Variants in JAKMIP1 observed in about 807,000 individuals in gnomAD.
JAKMIP1 encodes the protein janus kinase and microtubule interacting protein 1.
JAKMIP1 carries 33 observed loss-of-function variants against 113.0 expected under a neutral mutation model. The observed-to-expected ratio is 0.29, with a 90% CI of 0.22 to 0.39. JAKMIP1 has a LOEUF of 0.39. JAKMIP1 is among the 10% of genes least tolerant of loss of function. The pLI, the probability that JAKMIP1 is intolerant of heterozygous loss-of-function variation, is 1.00. For synonymous variants in JAKMIP1, 480 were observed against 459.9 expected, an observed-to-expected ratio of 1.04 and a Z score of -0.56; for missense variants, 813 against 1,080.5, an observed-to-expected ratio of 0.75 and a Z score of 3.47.
At chr4:6,126,531 A>G (rs1368330917) in intron 1 of JAKMIP1, among the ~76,000 whole-genome samples, 1 of 147,394 alleles carries the variant, frequency 6.8e-6, no homozygotes, top group Non-Finnish European at 1.5e-5. Flanking sequence ...CACACACCAT[A>G]CAGAAACACA....
chr4:6,030,910 C>A (rs1712559326), intron 19 of JAKMIP1, among the ~76,000 whole-genome samples: 1 of 152,144 alleles, frequency 6.6e-6, no homozygotes, highest in South Asian at 2.1e-4. Context: ...AAGTTGCACT[C>A]CAGCATGCTC....
chr4:6,095,302 G>A (rs77948527), intron 3 of JAKMIP1, among the ~76,000 whole-genome samples: 1,767 of 150,056 alleles, frequency 0.012, 33 homozygotes, highest in African/African-American at 0.041. Flanking sequence ...GGGAGAGAGG[G>A]AAGAAAGGAA....
rs755462010 is a variant in JAKMIP1, at chr4:6,081,592, A to G, written c.1101+17T>C. The stretch of plus-strand genomic sequence containing the variant: ...GAAGGGAGTGTCAGGGCTGTCCCCA[A>G]GGGGTCCACAGCTCACCATTTCCAC... On this transcript the variant is annotated intron_variant, in intron 6 of 20. Transcript: ENST00000409021. The surrounding 1 kb of genome is among the most constrained non-coding windows in gnomAD (Gnocchi z 4.6). The G allele has an allele frequency of 1.9e-6, 3 of 1,613,850 alleles. No individual in the cohort carries two copies. The highest frequency in any genetic ancestry group is 1.7e-5 in the Admixed American group (1 of 59,994).
chr4:6,171,797 C>T (rs1435840780), intron 1 of JAKMIP1, among the ~76,000 whole-genome samples: 2 of 152,308 alleles, frequency 1.3e-5, no homozygotes, highest in East Asian at 3.9e-4. Flanking sequence ...GAGGCTCGTT[C>T]GTTGGCTGAA....
At chr4:6,119,480 G>T (rs1330495268) in intron 1 of JAKMIP1, among the ~76,000 whole-genome samples, 1 of 152,072 alleles carries the variant, frequency 6.6e-6, no homozygotes, top group Non-Finnish European at 1.5e-5. Flanking sequence ...GGAGGTGGAG[G>T]TTGCGGTGAG....
intron 3 of JAKMIP1, among the ~76,000 whole-genome samples, chr4:6,101,903 T>TA (rs34415235): frequency 0.014 from 1,872 of 132,334 alleles, 38 homozygotes; most frequent in African/African-American, 0.048. Context: ...AAGACTCAGT[T>TA]AAAAAAAAAA....
rs549456814 is a variant in JAKMIP1 at position 6,081,015 on chromosome 4, C to CACACACACACACAAA, written c.1101+593_1101+594insTTTGTGTGTGTGTGT. Among the ~76,000 whole-genome samples the CACACACACACACAAA allele has an allele frequency of 3.0e-5, 1 of 33,686 alleles. No homozygotes were observed. The highest frequency in any genetic ancestry group is 1.4e-4 in the African/African-American group (1 of 7,372). 22.1% of individuals were successfully genotyped at this position (33,686 alleles called of 152,430 possible). A position where few individuals can be genotyped will look rare whatever the true frequency, so the allele number is the denominator to read the frequency against. ...CACACACACACACACACACACACAC[C>CACACACACACACAAA]TGCATCTGCTACAGTGCAGACAGCA... On this transcript the variant is annotated intron_variant, in intron 6 of 20. Coordinates refer to ENST00000409021, the MANE Select transcript of JAKMIP1 (RefSeq NM_001099433.2). This position sits in a 1 kb window ranked among gnomAD's most constrained non-coding sequence, Gnocchi z 4.6.
intron 8 of JAKMIP1, among the ~76,000 whole-genome samples, chr4:6,071,055 TA>T (rs1380192865): frequency 6.6e-6 from 1 of 152,276 alleles, no homozygotes; most frequent in Admixed American, 6.5e-5. Context: ...GGATAATTCA[TA>T]AAAGAAATGT....
At chr4:6,056,836 G>C (rs916527112) in intron 11 of JAKMIP1, 77 bp from the exon 12 acceptor site, 1 of 989,078 alleles carries the variant, frequency 1.0e-6, no homozygotes, top group African/African-American at 1.6e-5. Context: ...AGTGAGAAAG[G>C]TCACTTTCTA....
Position 6,080,190 on chromosome 4 carries a change from G to A in JAKMIP1, c.1224C>T (p.Val408=). 6.2e-7 allele frequency: 1 copy of A among 1,611,786 alleles called. No individual in the cohort carries two copies. Among genetic ancestry groups the A allele is most frequent in the African/African-American group, 1.3e-5 (1 of 75,036 alleles). Reference sequence around the variant, plus strand: ...GATGTACCAGTGAGAGGTCGTCAATGACGTGCTGCTGCTCCAGCACCTGCA... The same window carrying A: ...GATGTACCAGTGAGAGGTCGTCAATAACGTGCTGCTGCTCCAGCACCTGCA... ...LRLQVLEQQH[V]IDDLSLERER... Residue 408 remains valine, a synonymous_variant, in exon 7 of 21, where the codon GTC becomes GTT. Transcript: ENST00000409021. The surrounding 1 kb of genome is among the most constrained non-coding windows in gnomAD (Gnocchi z 6.0).
intron 5 of JAKMIP1, 71 bp downstream of exon 5, chr4:6,084,775 G>T: frequency 1.3e-6 from 2 of 1,484,096 alleles, no homozygotes; most frequent in Admixed American, 2.3e-5. Context: ...TCTGTGCAGG[G>T]CATGTTTCAG....
At chr4:6,034,918 G>C (rs1400072038) in intron 19 of JAKMIP1, among the ~76,000 whole-genome samples, 2 of 152,170 alleles carry the variant, frequency 1.3e-5, no homozygotes, top group African/African-American at 4.8e-5. Context: ...GTGTGTGTGT[G>C]GTTCATTCAA....
At position 6,100,140 on chromosome 4, in the gene JAKMIP1, G is replaced by A. The variant is rs1255304196; in HGVS notation, c.624+5333C>T. Among the ~76,000 whole-genome samples, 3 of 152,046 alleles carry A rather than the reference G, an allele frequency of 2.0e-5. No homozygotes were observed. In the East Asian group the frequency reaches 5.8e-4, roughly 29 times the overall value. Reference sequence around the variant, plus strand: ...GTTTAATTTATAAATCATGAACTTCGCCGATTTTTAGTAAGTCTTCCAAGT... The same window carrying A: ...GTTTAATTTATAAATCATGAACTTCACCGATTTTTAGTAAGTCTTCCAAGT... On this transcript the variant is annotated intron_variant, in intron 3 of 20. Coordinates refer to ENST00000409021, the MANE Select transcript of JAKMIP1 (RefSeq NM_001099433.2).
At chr4:6,148,434 A>G (rs1721127605) in intron 1 of JAKMIP1, among the ~76,000 whole-genome samples, 1 of 152,240 alleles carries the variant, frequency 6.6e-6, no homozygotes, top group South Asian at 2.1e-4. Flanking sequence ...GGAAACACAT[A>G]TACTCATTAC....
rs915546144 is a variant in JAKMIP1, at chr4:6,101,081, T to G, written c.624+4392A>C. Among the ~76,000 whole-genome samples the G allele has an allele frequency of 2.0e-5, 3 of 152,234 alleles. No individual in the cohort carries two copies. The South Asian group carries it at 6.2e-4, about 32-fold the overall frequency. On this transcript the variant is annotated intron_variant, in intron 3 of 20. Coordinates refer to ENST00000409021, the MANE Select transcript of JAKMIP1 (RefSeq NM_001099433.2). ...TACAACCCTCTCTGAATAGTATATT[T>G]ATGTAAATAGTGTACTGTGTCCTGC...
intron 11 of JAKMIP1, 78 bp from the exon 12 acceptor site, chr4:6,056,837 T>C (rs1380894439): frequency 4.2e-6 from 4 of 961,516 alleles, no homozygotes; most frequent in Non-Finnish European, 6.7e-6. Flanking sequence ...GTGAGAAAGG[T>C]CACTTTCTAT....
Position 6,154,671 on chromosome 4 carries a change from G to A in JAKMIP1, c.-147-41674C>T, listed in dbSNP as rs1040768720. Among the ~76,000 whole-genome samples the A allele has an allele frequency of 8.6e-5, 13 of 151,712 alleles. No homozygotes were observed. Among genetic ancestry groups the A allele is most frequent in the African/African-American group, 3.2e-4 (13 of 41,254 alleles). On this transcript the variant is annotated intron_variant, in intron 1 of 20. Coordinates refer to ENST00000409021, the MANE Select transcript of JAKMIP1 (RefSeq NM_001099433.2). This position sits in a 1 kb window ranked among gnomAD's most constrained non-coding sequence, Gnocchi z 4.2. ...GCCCAACTCTGCAGCCCTGGCAAAT[G>A]GAATTCTTTTCAATCCGGCCCGCTG...
chr4:6,098,889 T>C lies in JAKMIP1; in HGVS notation c.624+6584A>G, dbSNP rs78558495. On this transcript the variant is annotated intron_variant, in intron 3 of 20. Transcript: ENST00000409021. ...TTATTCTAGCACCTTAGATTAGTTT[T>C]TACGCTTCTTAAACTTCATGTGAGT... Among the ~76,000 whole-genome samples the C allele has an allele frequency of 9.1e-3, 1,387 of 152,362 alleles. 26 individuals carry two copies. The highest frequency in any genetic ancestry group is 0.031 in the African/African-American group (1,295 of 41,588).
At chr4:6,109,261 T>C (rs1218540806) in intron 2 of JAKMIP1, among the ~76,000 whole-genome samples, 3 of 150,762 alleles carry the variant, frequency 2.0e-5, no homozygotes, top group Non-Finnish European at 3.0e-5. Flanking sequence ...GCTTCCAGAG[T>C]AGCTGGGACT....
Sources: gnomAD v4.1 joint callset for allele counts (sites outside exome capture counted in the v4.1 genomes callset) on GRCh38, gnomAD v4.1.1 for gene constraint, Gnocchi (gnomAD v3.1) non-coding constraint, MANE v1.5 for transcripts, NCBI Gene and HGNC (gene_info 2026-07-23, HGNC 2026-07-21) for gene names.